Variants in MCTP1 observed in about 807,000 individuals in gnomAD.
The protein encoded by MCTP1 is multiple C2 and transmembrane domain containing 1.
Under a neutral mutation model 120.6 loss-of-function variants are expected in MCTP1, and 69 were observed. The ratio of observed to expected loss-of-function variants is 0.57; its 90% CI spans 0.47 to 0.70. The LOEUF is 0.70. Among genes scored for constraint, MCTP1 ranks in the 30% least tolerant of loss-of-function variants. The pLI is 0.00. For missense variants in MCTP1, 1,203 were observed against 1,248.8 expected (o/e 0.96, Z 0.55); for synonymous variants, 529 against 493.1 (o/e 1.07, Z -0.96).
intron 17 of MCTP1, among the ~76,000 whole-genome samples, chr5:94,837,463 G>C (rs1790052342): frequency 6.6e-6 from 1 of 152,140 alleles, no homozygotes; most frequent in Non-Finnish European, 1.5e-5. Flanking sequence ...CAGAGTTATG[G>C]ATCCCTAGAC....
intron 1 of MCTP1, among the ~76,000 whole-genome samples, chr5:95,080,183 T>G (rs1754561279): frequency 6.6e-6 from 1 of 152,168 alleles, no homozygotes; most frequent in Non-Finnish European, 1.5e-5. Context: ...CCCTGTCCTT[T>G]AGGCATGTGT....
chr5:94,794,614 A>G (rs1779642600), intron 18 of MCTP1, among the ~76,000 whole-genome samples: 4 of 152,252 alleles, frequency 2.6e-5, no homozygotes, highest in Admixed American at 2.6e-4. Context: ...GGAGTTGCTT[A>G]CTTATCCTCC....
chr5:94,732,181 G>A (rs565868215), intron 19 of MCTP1, among the ~76,000 whole-genome samples: 1 of 152,332 alleles, frequency 6.6e-6, no homozygotes, highest in African/African-American at 2.4e-5. Context: ...AGTGCAGATT[G>A]CTATGATTTT....
chr5:95,131,077 A>C (rs997796492), intron 1 of MCTP1, among the ~76,000 whole-genome samples: 3 of 152,160 alleles, frequency 2.0e-5, no homozygotes, highest in Non-Finnish European at 2.9e-5. Context: ...CTAGTGGCCA[A>C]TGTCGCTGTC....
intron 1 of MCTP1, among the ~76,000 whole-genome samples, chr5:95,036,626 A>C (rs1055322531): frequency 1.3e-5 from 2 of 152,236 alleles, no homozygotes; most frequent in African/African-American, 4.8e-5. Context: ...AAACCCAAAG[A>C]ACCAAAGGAA....
chr5:95,207,882 G>T (rs1387185159), intron 1 of MCTP1, among the ~76,000 whole-genome samples: 2 of 148,980 alleles, frequency 1.3e-5, no homozygotes, highest in African/African-American at 5.0e-5. Flanking sequence ...CACAACTGCA[G>T]CAGTCACTTT....
Position 94,749,471 on chromosome 5 carries a change from A to G in MCTP1, c.2610+29639T>C, listed in dbSNP as rs570875138. Among the ~76,000 whole-genome samples, 14 of 152,212 alleles carry G rather than the reference A, an allele frequency of 9.2e-5. No individual in the cohort carries two copies. In the East Asian group the frequency reaches 2.7e-3, roughly 29 times the overall value. On this transcript the variant is annotated intron_variant, in intron 19 of 22. Transcript: ENST00000515393. ...GTAGTTCAAAACCAGCCTGGCCAAC[A>G]TGGCGAAACCCTGTCTCTACTAAAA...
At chr5:94,942,136 T>C (rs1817876340) in intron 4 of MCTP1, among the ~76,000 whole-genome samples, 1 of 151,940 alleles carries the variant, frequency 6.6e-6, no homozygotes, top group African/African-American at 2.4e-5. Context: ...ATCCAAGAAG[T>C]TTTCGGTTGA....
rs780323876 is a variant in MCTP1 at position 95,283,839 on chromosome 5, G to T, written c.720+17C>A. 5.1e-6 allele frequency: 6 copies of T among 1,185,434 alleles called. No homozygotes were observed. The highest frequency in any genetic ancestry group is 6.1e-6 in the Non-Finnish European group (6 of 983,164). 73.4% of individuals were successfully genotyped at this position (1,185,434 alleles called of 1,614,324 possible). A position where few individuals can be genotyped will look rare whatever the true frequency, so the allele number is the denominator to read the frequency against. On this transcript the variant is annotated intron_variant, in intron 1 of 22. Transcript: ENST00000515393. Reference sequence around the variant, plus strand: ...GGTCCCGCGCACCTTGTCTCCGGCCGCGCCACCGGCACTCACCTGGCTGCT... The same window carrying T: ...GGTCCCGCGCACCTTGTCTCCGGCCTCGCCACCGGCACTCACCTGGCTGCT...
At chr5:94,905,494 C>A (rs1561835458) in intron 10 of MCTP1, among the ~76,000 whole-genome samples, 1 of 152,126 alleles carries the variant, frequency 6.6e-6, no homozygotes, top group Non-Finnish European at 1.5e-5. Context: ...CATATGAAAG[C>A]TGATGGTGGC....
chr5:95,000,285 T>C (rs1404636775), intron 2 of MCTP1, among the ~76,000 whole-genome samples: 1 of 152,176 alleles, frequency 6.6e-6, no homozygotes, highest in Non-Finnish European at 1.5e-5. Context: ...AGGTTACTGG[T>C]TTTTGTATTT....
At chr5:95,081,354 A>G in intron 1 of MCTP1, 1 of 1,366,442 alleles carries the variant, frequency 7.3e-7, no homozygotes, top group Middle Eastern at 2.0e-4. Context: ...TCTAAGGAAC[A>G]ATCATATACC....
intron 19 of MCTP1, among the ~76,000 whole-genome samples, chr5:94,718,445 A>G (rs1233983238): frequency 6.6e-6 from 1 of 152,214 alleles, no homozygotes; most frequent in Admixed American, 6.5e-5. Context: ...ACTCACAGGC[A>G]AAGATTTCAT....
intron 19 of MCTP1, among the ~76,000 whole-genome samples, chr5:94,737,561 C>CA (rs1343402750): frequency 2.0e-5 from 3 of 152,190 alleles, no homozygotes; most frequent in Non-Finnish European, 2.9e-5. Context: ...CCAATTTATA[C>CA]AGGTTCTTAA....
chr5:95,044,540 C>T (rs775796188), intron 1 of MCTP1, among the ~76,000 whole-genome samples: 25 of 152,158 alleles, frequency 1.6e-4, no homozygotes, highest in Non-Finnish European at 1.6e-4. Context: ...ATGCTTCTCT[C>T]TGCTTACTTG....
intron 2 of MCTP1, among the ~76,000 whole-genome samples, chr5:94,957,978 C>T (rs1020688236): frequency 6.6e-6 from 1 of 152,172 alleles, no homozygotes; most frequent in African/African-American, 2.4e-5. Flanking sequence ...TTCTTCTCAG[C>T]ACCACATTAC....
intron 12 of MCTP1, among the ~76,000 whole-genome samples, chr5:94,883,436 G>A (rs1800553638): frequency 6.6e-6 from 1 of 152,046 alleles, no homozygotes; most frequent in Non-Finnish European, 1.5e-5. Context: ...TAAAGCTTAG[G>A]ATTTTTGTTT....
At chr5:94,770,879 C>T (rs1773899969) in intron 19 of MCTP1, among the ~76,000 whole-genome samples, 1 of 152,124 alleles carries the variant, frequency 6.6e-6, no homozygotes, top group Admixed American at 6.5e-5. Flanking sequence ...CCTCACCGTG[C>T]CTAATCATCA....
chr5:94,930,316 C>T (rs1460030308), intron 6 of MCTP1, among the ~76,000 whole-genome samples: 2 of 140,598 alleles, frequency 1.4e-5, no homozygotes, highest in Non-Finnish European at 3.0e-5. Flanking sequence ...CTCTGTTGCC[C>T]AGACTGGAGT....
Sources: gnomAD v4.1 joint callset for allele counts (sites outside exome capture counted in the v4.1 genomes callset) on GRCh38, gnomAD v4.1.1 for gene constraint, MANE v1.5 for transcripts, NCBI Gene and HGNC (gene_info 2026-07-23, HGNC 2026-07-21) for gene names.